Variants in PRAME observed in about 807,000 individuals in gnomAD.
PRAME encodes melanoma antigen preferentially expressed in tumors.
PRAME carries 21 observed loss-of-function variants against 32.1 expected under a neutral mutation model. That is an observed-to-expected ratio of 0.65 (90% CI 0.46 to 0.94). PRAME has a LOEUF of 0.94. Among genes scored for constraint, PRAME ranks in the 40% least tolerant of loss-of-function variants. PRAME has a pLI of 0.00. For synonymous variants in PRAME, 274 were observed against 251.5 expected (o/e 1.09, Z -0.85); for missense variants, 651 against 622.3 (o/e 1.05, Z -0.49).
In PRAME at chr22:22,553,875, C is replaced by T. The variant is rs1206199243; in HGVS notation, c.22-2786G>A. On this transcript the variant is annotated intron_variant, in intron 3 of 5. Coordinates refer to ENST00000405655, the MANE Select transcript of PRAME (RefSeq NM_206956.3). ...TCCTCTTCCACACTGGGGCTGTTCA[C>T]AAGCAGCAGGTCAGGCCTTTACCAC... The T allele has an allele frequency of 3.0e-6, 3 of 985,080 alleles. No homozygotes were observed. The African/African-American group carries it at 5.2e-5, about 17-fold the overall frequency. 61.0% of individuals were successfully genotyped at this position (985,080 alleles called of 1,614,324 possible). A position where few individuals can be genotyped will look rare whatever the true frequency, so the allele number is the denominator to read the frequency against.
chr22:22,549,000 A>C (rs1344013601), intron 5 of PRAME, among the ~76,000 whole-genome samples: 1 of 151,824 alleles, frequency 6.6e-6, no homozygotes, highest in Non-Finnish European at 1.5e-5. Flanking sequence ...TACAACTGAA[A>C]ATACTTTCTT....
intron 3 of PRAME, 84 bp from the exon 4 acceptor site, chr22:22,551,173 A>T: frequency 2.4e-6 from 3 of 1,267,242 alleles, no homozygotes; most frequent in Non-Finnish European, 3.3e-6. Flanking sequence ...CTGAGGGACC[A>T]ACTTAGGGCC....
chr22:22,554,804 T>A (rs565434534), intron 3 of PRAME, among the ~76,000 whole-genome samples: 161 of 152,014 alleles, frequency 1.1e-3, no homozygotes, highest in African/African-American at 3.8e-3. Context: ...ACATAAACCA[T>A]GGAAAAACAG....
rs1398555576 is a variant in PRAME at position 22,554,299 on chromosome 22, G to A, written c.21+2513C>T. 6.3e-6 allele frequency: 6 copies of A among 959,038 alleles called. No homozygotes were observed. In the Admixed American group the frequency reaches 2.5e-4, roughly 40 times the overall value. 59.4% of individuals were successfully genotyped at this position (959,038 alleles called of 1,614,324 possible). A position where few individuals can be genotyped will look rare whatever the true frequency, so the allele number is the denominator to read the frequency against. ...CAAGTGTCCAGCTGGAATGTCTTGCGGCCTGACTTTGTTTACTGTGGCCTG... is the reference window on the plus strand; with the variant it reads ...CAAGTGTCCAGCTGGAATGTCTTGCAGCCTGACTTTGTTTACTGTGGCCTG... On this transcript the variant is annotated intron_variant, in intron 3 of 5. Coordinates refer to ENST00000405655, the MANE Select transcript of PRAME (RefSeq NM_206956.3).
Position 22,548,148 on chromosome 22 carries a change from A to G in PRAME, c.1449T>C (p.Ser483=). 6.2e-7 allele frequency: 1 copy of G among 1,613,870 alleles called. No individual in the cohort carries two copies. Among genetic ancestry groups the G allele is most frequent in the Non-Finnish European group, 8.5e-7 (1 of 1,179,982 alleles). ...CCCCACAGTGAGGACAGGGGTTGGC[A>G]CTAAGCCAGACCATGCTGGGCCGCC... ...ELGRPSMVWL[S]ANPCPHCGDR... Residue 483 remains serine, a synonymous_variant, in exon 6 of 6, where the codon AGT becomes AGC. Coordinates refer to ENST00000405655, the MANE Select transcript of PRAME (RefSeq NM_206956.3).
chr22:22,548,084 A>C lies in PRAME; in HGVS notation c.1513T>G (p.Cys505Gly). 1 of 1,610,570 alleles carries C rather than the reference A, an allele frequency of 6.2e-7. No homozygotes were observed. Among genetic ancestry groups the C allele is most frequent in the South Asian group, 1.1e-5 (1 of 90,886 alleles). ...GCACCCAGCTAATTAGGCATGAAAC[A>C]GGGGCACAGGATGGGCTCCGGGTCA... is the stretch of plus-strand genomic sequence containing the variant. ...FYDPEPILCP[C>G]FMPN The change falls in exon 6 of 6, where the codon TGT becomes GGT. Residue 505 changes from cysteine (C) to glycine (G), a missense_variant. Coordinates refer to ENST00000405655, the MANE Select transcript of PRAME (RefSeq NM_206956.3).
intron 3 of PRAME, 148 bp downstream of exon 3, chr22:22,556,664 G>A (rs563115765): frequency 1.3e-5 from 13 of 998,766 alleles, no homozygotes; most frequent in Admixed American, 4.1e-5. Context: ...CTCTTTTGTG[G>A]AAATGACCAG....
At chr22:22,556,744 C>A in intron 3 of PRAME, 68 bp downstream of exon 3, 1 of 1,589,388 alleles carries the variant, frequency 6.3e-7, no homozygotes, top group Middle Eastern at 1.7e-4. Context: ...CCATCTGGCT[C>A]GAGTGACAAG....
At position 22,550,210 on chromosome 22, in the gene PRAME, T is replaced by C. The variant is rs372834019; in HGVS notation, c.469A>G (p.Lys157Glu). The change falls in exon 5 of 6, where the codon AAG becomes GAG. Residue 157 changes from lysine to glutamate, a missense_variant. By Grantham distance (56) the Lys-to-Glu change is moderately conservative. Coordinates refer to ENST00000405655, the MANE Select transcript of PRAME (RefSeq NM_206956.3). ...CTCAAACCATCTACTTTTCGCTTCT[T>C]TGTCATGGGCTGAGCTGCTTCTGGC... ...PEPEAAQPMT[K>E]KRKVDGLSTE... 6.2e-7 allele frequency: 1 copy of C among 1,613,814 alleles called. No individual in the cohort carries two copies. Among genetic ancestry groups the C allele is most frequent in the African/African-American group, 1.3e-5 (1 of 74,974 alleles).
At position 22,550,910 on chromosome 22, in the gene PRAME, C is replaced by A; in HGVS notation, c.201G>T (p.Gln67His). The A allele has an allele frequency of 6.2e-7, 1 of 1,613,910 alleles. No homozygotes were observed. The change falls in exon 4 of 6, where the codon CAG (glutamine) becomes CAT (histidine). Residue 67 changes from glutamine to histidine, a missense_variant. Gln to His is a conservative substitution (Grantham distance 24). Coordinates refer to ENST00000405655, the MANE Select transcript of PRAME (RefSeq NM_206956.3). ...FMAAFDGRHS[Q>H]TLKAMVQAWP... ...AGGCCTGCACCATTGCCTTCAGGGT[C>A]TGGCTGTGTCTCCCGTCAAAGGCTG...
In PRAME at chr22:22,548,481, C is replaced by G. The variant is rs146650047; in HGVS notation, c.1116G>C (p.Leu372=). Residue 372 remains leucine, a synonymous_variant, in exon 6 of 6, where the codon CTG becomes CTC. Transcript: ENST00000405655. ...GGAGGGTGGCAGAGGCTCTCTCCAG[C>G]AGAGCTTGGAGGGGCTCGGGACTTA... is the stretch of plus-strand genomic sequence containing the variant. The part of the protein sequence containing the change: ...TDVSPEPLQA[L]LERASATLQD... The G allele has an allele frequency of 2.4e-4, 384 of 1,613,770 alleles. 2 individuals carry two copies. In the African/African-American group the frequency reaches 4.3e-3, roughly 18 times the overall value.
At chr22:22,552,461 G>A (rs557472366) in intron 3 of PRAME, among the ~76,000 whole-genome samples, 1 of 146,508 alleles carries the variant, frequency 6.8e-6, no homozygotes, top group South Asian at 2.1e-4. Flanking sequence ...CAAAATGGCA[G>A]AAATCAAAAT....
chr22:22,554,861 C>T (rs1008521788), intron 3 of PRAME, among the ~76,000 whole-genome samples: 4 of 151,918 alleles, frequency 2.6e-5, no homozygotes, highest in African/African-American at 4.8e-5. Flanking sequence ...ATGGGATCCC[C>T]GCTTCCAGGA....
Position 22,548,473 on chromosome 22 carries a change from C to G in PRAME, c.1124G>C (p.Arg375Thr). Reference protein sequence around the residue: ...SPEPLQALLERASATLQDLVF... With the variant: ...SPEPLQALLETASATLQDLVF... ...CAGGTCCTGGAGGGTGGCAGAGGCTCTCTCCAGCAGAGCTTGGAGGGGCTC... is the reference window on the plus strand; with the variant it reads ...CAGGTCCTGGAGGGTGGCAGAGGCTGTCTCCAGCAGAGCTTGGAGGGGCTC... Residue 375 changes from arginine (R) to threonine (T), a missense_variant, in exon 6 of 6, where the codon AGA (arginine) becomes ACA (threonine). By Grantham distance (71) the Arg-to-Thr change is moderately conservative. Transcript: ENST00000405655. 1 of 1,613,782 alleles carries G rather than the reference C, an allele frequency of 6.2e-7. No homozygotes were observed. Among genetic ancestry groups the G allele is most frequent in the Non-Finnish European group, 8.5e-7 (1 of 1,179,956 alleles).
chr22:22,552,544 T>C (rs4822113), intron 3 of PRAME, among the ~76,000 whole-genome samples: 98,277 of 151,710 alleles, frequency 0.65, 32,240 homozygotes, highest in East Asian at 0.74. Context: ...GATCATTACA[T>C]ACTATATATG....
chr22:22,554,864 T>C (rs1037900758), intron 3 of PRAME, among the ~76,000 whole-genome samples: 1 of 151,958 alleles, frequency 6.6e-6, no homozygotes, highest in Non-Finnish European at 1.5e-5. Context: ...GGATCCCCGC[T>C]TCCAGGAGAT....
At chr22:22,558,457 G>T (rs1296060843) in intron 1 of PRAME, among the ~76,000 whole-genome samples, 1 of 65,730 alleles carries the variant, frequency 1.5e-5, no homozygotes, top group South Asian at 7.7e-4. Context: ...GAAGACAGAG[G>T]TTGGGGGAGG....
At chr22:22,553,635 C>T (rs997108761) in intron 3 of PRAME, among the ~76,000 whole-genome samples, 1 of 151,904 alleles carries the variant, frequency 6.6e-6, no homozygotes, top group Non-Finnish European at 1.5e-5. Context: ...TCTTGGCAAA[C>T]AGCCTTGACA....
At chr22:22,556,696 C>T (rs531696413) in intron 3 of PRAME, 116 bp downstream of exon 3, 20 of 1,241,298 alleles carry the variant, frequency 1.6e-5, no homozygotes, top group Admixed American at 1.9e-5. Flanking sequence ...GCGGCTCCTG[C>T]CTCTTCGTCT....
Sources: gnomAD v4.1 joint callset for allele counts (sites outside exome capture counted in the v4.1 genomes callset) on GRCh38, gnomAD v4.1.1 for gene constraint, MANE v1.5 for transcripts, NCBI Gene and HGNC (gene_info 2026-07-23, HGNC 2026-07-21) for gene names.